MTHFD1L: variants seen among roughly 807,000 people sequenced by gnomAD.
MTHFD1L encodes the protein methylenetetrahydrofolate dehydrogenase (NADP+ dependent) 1 like.
Under a neutral mutation model 119.5 loss-of-function variants are expected in MTHFD1L, and 81 were observed. The observed-to-expected ratio is 0.68, with a 90% CI of 0.57 to 0.82. MTHFD1L has a LOEUF of 0.82. Among genes scored for constraint, MTHFD1L ranks in the 40% least tolerant of loss-of-function variants. The pLI, the probability that MTHFD1L is intolerant of heterozygous loss-of-function variation, is 0.00. For synonymous variants in MTHFD1L, 430 were observed against 475.2 expected (o/e 0.90, Z 1.24); for missense variants, 1,125 against 1,253.4 (o/e 0.90, Z 1.55).
chr6:150,935,440 A>G, intron 11 of MTHFD1L: 1 of 1,612,598 alleles, frequency 6.2e-7, no homozygotes, highest in African/African-American at 1.3e-5. Flanking sequence ...AACTGAGCTC[A>G]TCAGCTCCTT....
intron 26 of MTHFD1L, among the ~76,000 whole-genome samples, chr6:151,082,775 TATAG>T (rs1019044296): frequency 2.4e-4 from 37 of 152,224 alleles, no homozygotes; most frequent in African/African-American, 7.5e-4. Context: ...ATGCTGTAGT[TATAG>T]ATAAAGAACG....
At chr6:151,049,998 G>T (rs1166794891) in intron 26 of MTHFD1L, among the ~76,000 whole-genome samples, 2 of 152,098 alleles carry the variant, frequency 1.3e-5, no homozygotes, top group Non-Finnish European at 2.9e-5. Flanking sequence ...GTCATGAAGT[G>T]TCCATAAAAA....
intron 1 of MTHFD1L, among the ~76,000 whole-genome samples, chr6:150,871,003 T>C (rs1173586504): frequency 7.8e-6 from 1 of 127,640 alleles, no homozygotes; most frequent in Non-Finnish European, 1.7e-5. Context: ...ACCTTAATTA[T>C]AATATAATAT....
Position 150,882,741 on chromosome 6 carries a change from GT to G in MTHFD1L, c.418-14del. The stretch of plus-strand genomic sequence containing the variant: ...TTTTCACAAAACTAATTTTTATTTT[GT>G]TTTTTTGTTTTCTCTTTAGATTATA... On this transcript the variant is annotated intron_variant, in intron 4 of 27. Transcript: ENST00000367321. 1 of 1,438,768 alleles carries G rather than the reference GT, an allele frequency of 7.0e-7. No homozygotes were observed. Among genetic ancestry groups the G allele is most frequent in the Non-Finnish European group, 9.2e-7 (1 of 1,088,318 alleles). The allele number at this position is 1,438,768 out of a possible 1,614,324, so 89.1% of individuals were successfully genotyped here. A position where few individuals can be genotyped will look rare whatever the true frequency, so the allele number is the denominator to read the frequency against.
Position 151,067,544 on chromosome 6 carries a change from G to A in MTHFD1L, c.2848-24923G>A, listed in dbSNP as rs185291506. Among the ~76,000 whole-genome samples the A allele has an allele frequency of 1.4e-4, 21 of 152,220 alleles. No homozygotes were observed. In the East Asian group the frequency reaches 3.9e-3, roughly 28 times the overall value. On this transcript the variant is annotated intron_variant, in intron 26 of 27. Transcript: ENST00000367321. ...TCACCACGTTGGCCAGGCTGGTCTCGAACTCCTGGCCTCAAGTGATCCACC... is the reference window on the plus strand; with the variant it reads ...TCACCACGTTGGCCAGGCTGGTCTCAAACTCCTGGCCTCAAGTGATCCACC...
chr6:151,037,179 G>T, intron 26 of MTHFD1L, 62 bp downstream of exon 26: 1 of 1,565,734 alleles, frequency 6.4e-7, no homozygotes, highest in Non-Finnish European at 8.8e-7. Flanking sequence ...GCCTCAAATC[G>T]TTATGCTCCG....
intron 9 of MTHFD1L, among the ~76,000 whole-genome samples, chr6:150,919,515 G>A (rs766685359): frequency 2.6e-5 from 4 of 152,196 alleles, no homozygotes; most frequent in Admixed American, 6.5e-5. Context: ...ATGAGCCACC[G>A]CGCCTGACCT....
intron 9 of MTHFD1L, among the ~76,000 whole-genome samples, chr6:150,919,530 C>G (rs531460599): frequency 3.8e-4 from 58 of 152,272 alleles, no homozygotes; most frequent in Non-Finnish European, 7.5e-4. Flanking sequence ...TGACCTGGCT[C>G]ACAGTTCTGC....
At chr6:150,866,254 AC>A (rs1562274151) in intron 1 of MTHFD1L, 4 of 1,431,848 alleles carry the variant, frequency 2.8e-6, no homozygotes. Context: ...GGGATCCAGT[AC>A]CCGACCGGGC....
At chr6:150,892,638 T>G (rs1783508662) in intron 7 of MTHFD1L, among the ~76,000 whole-genome samples, 1 of 152,196 alleles carries the variant, frequency 6.6e-6, no homozygotes, top group African/African-American at 2.4e-5. Context: ...CCCCTCTACC[T>G]GGCCTACCTA....
chr6:150,887,724 T>C, intron 6 of MTHFD1L, 121 bp from the exon 7 acceptor site: 1 of 1,079,738 alleles, frequency 9.3e-7, no homozygotes, highest in Non-Finnish European at 1.3e-6. Context: ...CCCAAAGTGC[T>C]GGAATTATAG....
chr6:150,875,602 G>A (rs1780308875), intron 1 of MTHFD1L, among the ~76,000 whole-genome samples: 1 of 151,766 alleles, frequency 6.6e-6, no homozygotes, highest in African/African-American at 2.4e-5. Context: ...CCAGGACCTG[G>A]AATTTATCCT....
At chr6:150,896,525 G>A (rs1392157929) in intron 7 of MTHFD1L, among the ~76,000 whole-genome samples, 3 of 152,172 alleles carry the variant, frequency 2.0e-5, no homozygotes, top group Non-Finnish European at 2.9e-5. Context: ...TGTACTTAGC[G>A]AGTGGCTGAG....
chr6:150,981,476 TG>T (rs1452941563), intron 20 of MTHFD1L, among the ~76,000 whole-genome samples: 8 of 152,352 alleles, frequency 5.3e-5, no homozygotes, highest in Non-Finnish European at 8.8e-5. Flanking sequence ...GAATCACAGA[TG>T]TGCGGCTTTT....
chr6:150,959,901 C>T (rs893644103), intron 17 of MTHFD1L, among the ~76,000 whole-genome samples: 1 of 152,144 alleles, frequency 6.6e-6, no homozygotes, highest in South Asian at 2.1e-4. Context: ...CACTTACGGT[C>T]CAGTGGTAGA....
At chr6:150,874,440 T>C (rs1223622073) in intron 1 of MTHFD1L, among the ~76,000 whole-genome samples, 3 of 152,218 alleles carry the variant, frequency 2.0e-5, no homozygotes, top group African/African-American at 4.8e-5. Context: ...TTGTCAGCTG[T>C]GTCTCTCTGA....
chr6:151,003,074 G>T (rs1780844777), intron 20 of MTHFD1L, among the ~76,000 whole-genome samples: 1 of 152,180 alleles, frequency 6.6e-6, no homozygotes, highest in Non-Finnish European at 1.5e-5. Flanking sequence ...TTGTGATTCT[G>T]CAGAAATGGG....
chr6:150,985,285 A>G (rs1218283224), intron 20 of MTHFD1L: 2 of 152,188 alleles, frequency 1.3e-5, no homozygotes, highest in Non-Finnish European at 2.9e-5. Flanking sequence ...ATAATGGGAA[A>G]CAGTGCTGCT....
At chr6:151,078,108 T>C (rs577954483) in intron 26 of MTHFD1L, among the ~76,000 whole-genome samples, 1 of 133,288 alleles carries the variant, frequency 7.5e-6, no homozygotes, top group East Asian at 2.3e-4. Context: ...TAAACCATCA[T>C]GAAGTGTGAT....
Sources: gnomAD v4.1 joint callset for allele counts (sites outside exome capture counted in the v4.1 genomes callset) on GRCh38, gnomAD v4.1.1 for gene constraint, MANE v1.5 for transcripts, NCBI Gene and HGNC (gene_info 2026-07-23, HGNC 2026-07-21) for gene names.